Variants in FOXK1 observed in about 807,000 individuals in gnomAD.
The protein encoded by FOXK1 is forkhead box protein K1.
In FOXK1, 19 loss-of-function variants were observed where a neutral mutation model predicts 51.9. That is an observed-to-expected ratio of 0.37 (90% CI 0.26 to 0.54). The LOEUF is 0.54. Ranked by LOEUF, FOXK1 falls within the 20% of genes least tolerant of loss-of-function variation. The probability of loss-of-function intolerance (pLI) is 0.87; values close to 1 mark genes in which losing one functional copy is unlikely to be tolerated. For missense variants in FOXK1, 870 were observed against 1,032.7 expected (o/e 0.84, Z 2.16); for synonymous variants, 537 against 482.6 (o/e 1.11, Z -1.48).
At chr7:4,692,207 G>A (rs1779901696) in intron 1 of FOXK1, among the ~76,000 whole-genome samples, 1 of 152,098 alleles carries the variant, frequency 6.6e-6, no homozygotes, top group Non-Finnish European at 1.5e-5. Context: ...TGGCTTAATA[G>A]AAGACAGCTG....
rs1376394111 is a variant in FOXK1, at chr7:4,762,425, C to G, written c.2163C>G (p.Ile721Met). Reference sequence around the variant, plus strand: ...CTGTAACCACACCGGCTGGAGTGATCGCAGCTGCCGGCCCCCAGGGGCCAG... The same window carrying G: ...CTGTAACCACACCGGCTGGAGTGATGGCAGCTGCCGGCCCCCAGGGGCCAG... Reference protein sequence around the residue: ...SGAVTTPAGVIAAAGPQGPGT... With the variant: ...SGAVTTPAGVMAAAGPQGPGT... Residue 721 changes from isoleucine (I) to methionine (M), a missense_variant, in exon 9 of 9, where the codon ATC becomes ATG. This residue lies in a region of FOXK1 where 457 missense variants were observed against 510.8 expected (regional missense o/e 0.89). Coordinates refer to ENST00000328914, the MANE Select transcript of FOXK1 (RefSeq NM_001037165.2). This position sits in a 1 kb window ranked among gnomAD's most constrained non-coding sequence, Gnocchi z 5.7. 6.5e-7 allele frequency: 1 copy of G among 1,548,052 alleles called. No individual in the cohort carries two copies. The highest frequency in any genetic ancestry group is 1.4e-5 in the African/African-American group (1 of 73,090).
At chr7:4,742,571 C>T (rs191348244) in intron 2 of FOXK1, among the ~76,000 whole-genome samples, 2 of 152,082 alleles carry the variant, frequency 1.3e-5, no homozygotes, top group Non-Finnish European at 2.9e-5. Context: ...CATGCACCAC[C>T]ACACCCACTT....
intron 2 of FOXK1, among the ~76,000 whole-genome samples, chr7:4,746,722 C>T (rs756583243): frequency 6.6e-6 from 1 of 152,214 alleles, no homozygotes; most frequent in African/African-American, 2.4e-5. Flanking sequence ...AAGTTTGTGG[C>T]TGCAGCCTTC....
chr7:4,752,522 C>A (rs1242066818), intron 2 of FOXK1, among the ~76,000 whole-genome samples: 1 of 152,242 alleles, frequency 6.6e-6, no homozygotes, highest in Non-Finnish European at 1.5e-5. Context: ...GCTGGGCCAT[C>A]ACTGTTTGTT....
At chr7:4,693,574 G>T (rs1414184765) in intron 1 of FOXK1, among the ~76,000 whole-genome samples, 1 of 152,134 alleles carries the variant, frequency 6.6e-6, no homozygotes, top group African/African-American at 2.4e-5. Context: ...TTCCCTGGGG[G>T]CCTCTGTCGC....
rs1292595121 is a variant in FOXK1 at position 4,755,540 on chromosome 7, A to C, written c.1050+157A>C. On this transcript the variant is annotated intron_variant, in intron 4 of 8. Coordinates refer to ENST00000328914, the MANE Select transcript of FOXK1 (RefSeq NM_001037165.2). The surrounding 1 kb of genome is among the most constrained non-coding windows in gnomAD (Gnocchi z 6.6). ...AGGCCGAGGCAGGAGGAGGATCAAG[A>C]CCAGCCTGTGCAACATAGAGAGAAC... Among the ~76,000 whole-genome samples the C allele has an allele frequency of 6.6e-6, 1 of 152,128 alleles. No homozygotes were observed. Among genetic ancestry groups the C allele is most frequent in the Non-Finnish European group, 1.5e-5 (1 of 68,024 alleles).
rs1198151880 is a variant in FOXK1 at position 4,749,630 on chromosome 7, T to G, written c.747-4829T>G. On this transcript the variant is annotated intron_variant, in intron 2 of 8. Transcript: ENST00000328914. The surrounding 1 kb of genome is among the most constrained non-coding windows in gnomAD (Gnocchi z 6.0). The stretch of plus-strand genomic sequence containing the variant: ...AGGGCTTCAGGAGGGATCAGGTCCC[T>G]TCTGACAGAGCACTGTCCTCCCTGG... 6.6e-6 allele frequency among the ~76,000 whole-genome samples: 1 copy of G among 152,190 alleles called. No homozygotes were observed. Among genetic ancestry groups the G allele is most frequent in the East Asian group, 1.9e-4 (1 of 5,190 alleles).
chr7:4,703,513 C>T lies in FOXK1; in HGVS notation c.560+20645C>T, dbSNP rs569413870. On this transcript the variant is annotated intron_variant, in intron 1 of 8. Coordinates refer to ENST00000328914, the MANE Select transcript of FOXK1 (RefSeq NM_001037165.2). This position sits in a 1 kb window ranked among gnomAD's most constrained non-coding sequence, Gnocchi z 5.6. ...CCCCCAGGGTGGCCCGACCCTGCTGCGCGGGAGGGAAAGAGCCACAACAAG... is the reference window on the plus strand; with the variant it reads ...CCCCCAGGGTGGCCCGACCCTGCTGTGCGGGAGGGAAAGAGCCACAACAAG... Among the ~76,000 whole-genome samples the T allele has an allele frequency of 6.6e-5, 10 of 152,154 alleles. No individual in the cohort carries two copies. Among genetic ancestry groups the T allele is most frequent in the Non-Finnish European group, 1.2e-4 (8 of 68,018 alleles).
chr7:4,750,893 G>A (rs868235004), intron 2 of FOXK1, among the ~76,000 whole-genome samples: 1 of 151,636 alleles, frequency 6.6e-6, no homozygotes, highest in African/African-American at 2.4e-5. Flanking sequence ...CAGTAGAGAC[G>A]GGATTTCTCT....
chr7:4,755,136 C>G lies in FOXK1; in HGVS notation c.904-101C>G. The G allele has an allele frequency of 6.8e-7, 1 of 1,470,282 alleles. No homozygotes were observed. The highest frequency in any genetic ancestry group is 9.2e-7 in the Non-Finnish European group (1 of 1,082,418). The allele number at this position is 1,470,282 out of a possible 1,614,324, so 91.1% of individuals were successfully genotyped here. A position where few individuals can be genotyped will look rare whatever the true frequency, so the allele number is the denominator to read the frequency against. On this transcript the variant is annotated intron_variant, in intron 3 of 8. Transcript: ENST00000328914. This position sits in a 1 kb window ranked among gnomAD's most constrained non-coding sequence, Gnocchi z 6.6. ...GGGACGGGTGCCGGCAAGACGCGCA[C>G]ATTCTCGTGGGAAGGTTCCTCCCCA...
In FOXK1 at chr7:4,747,312, C is replaced by T. The variant is rs760293622; in HGVS notation, c.746+6289C>T. On this transcript the variant is annotated intron_variant, in intron 2 of 8. Coordinates refer to ENST00000328914, the MANE Select transcript of FOXK1 (RefSeq NM_001037165.2). This position sits in a 1 kb window ranked among gnomAD's most constrained non-coding sequence, Gnocchi z 9.2. ...GGGAAGCAGGAGGCGCCTGCAGACA[C>T]GGAGCTGACCCCGGAACCTGCCTAG... is the stretch of plus-strand genomic sequence containing the variant. 1.5e-4 allele frequency among the ~76,000 whole-genome samples: 23 copies of T among 152,136 alleles called. No individual in the cohort carries two copies. The highest frequency in any genetic ancestry group is 2.6e-4 in the Non-Finnish European group (18 of 68,024).
intron 1 of FOXK1, among the ~76,000 whole-genome samples, chr7:4,686,713 G>T (rs2115026879): frequency 1.3e-5 from 2 of 152,232 alleles, no homozygotes; most frequent in Middle Eastern, 6.8e-3. Flanking sequence ...GCAACAACTG[G>T]GTTCTGTTTG....
intron 1 of FOXK1, among the ~76,000 whole-genome samples, chr7:4,725,071 G>A (rs892348557): frequency 2.0e-5 from 3 of 152,222 alleles, no homozygotes; most frequent in Non-Finnish European, 4.4e-5. Context: ...ATCCAAGCGC[G>A]GTGCACCCGC....
At chr7:4,754,316 C>T (rs556840709) in intron 2 of FOXK1, 143 bp from the exon 3 acceptor site, 9 of 913,342 alleles carry the variant, frequency 9.9e-6, no homozygotes, top group African/African-American at 5.0e-5. Context: ...TGACCTTGGC[C>T]GGGCAGTGTG....
At position 4,753,770 on chromosome 7, in the gene FOXK1, C is replaced by G. The variant is rs1327787434; in HGVS notation, c.747-689C>G. On this transcript the variant is annotated intron_variant, in intron 2 of 8. Transcript: ENST00000328914. The surrounding 1 kb of genome is among the most constrained non-coding windows in gnomAD (Gnocchi z 4.9). ...CCCTCAGCCGGACGGACGCAGCCTC[C>G]TGCCTGTGGTCCCGGCCTCAACCCA... is the stretch of plus-strand genomic sequence containing the variant. Among the ~76,000 whole-genome samples the G allele has an allele frequency of 6.6e-6, 1 of 152,212 alleles. No homozygotes were observed. Among genetic ancestry groups the G allele is most frequent in the Non-Finnish European group, 1.5e-5 (1 of 68,040 alleles).
intron 1 of FOXK1, among the ~76,000 whole-genome samples, chr7:4,719,773 C>T (rs1322561552): frequency 1.3e-5 from 2 of 152,174 alleles, no homozygotes; most frequent in African/African-American, 4.8e-5. Flanking sequence ...TGAGCCACCG[C>T]GCCCGGCCTG....
Position 4,743,421 on chromosome 7 carries a change from A to G in FOXK1, c.746+2398A>G, listed in dbSNP as rs1013007150. 6.6e-6 allele frequency among the ~76,000 whole-genome samples: 1 copy of G among 152,060 alleles called. No individual in the cohort carries two copies. Among genetic ancestry groups the G allele is most frequent in the Non-Finnish European group, 1.5e-5 (1 of 68,006 alleles). ...AAAAATCAGCCAGGCATGGTGCCAT[A>G]TGTCTGTAATCCCAGCTACTCGGGA... is the stretch of plus-strand genomic sequence containing the variant. On this transcript the variant is annotated intron_variant, in intron 2 of 8. Coordinates refer to ENST00000328914, the MANE Select transcript of FOXK1 (RefSeq NM_001037165.2). This position sits in a 1 kb window ranked among gnomAD's most constrained non-coding sequence, Gnocchi z 5.3.
chr7:4,727,020 T>C (rs1167732716), intron 1 of FOXK1, among the ~76,000 whole-genome samples: 1 of 152,206 alleles, frequency 6.6e-6, no homozygotes, highest in Admixed American at 6.5e-5. Context: ...TCATAACCCA[T>C]TGCAGCCTTG....
rs2115056992 is a variant in FOXK1, at chr7:4,734,256, C to G, written c.561-6582C>G. Among the ~76,000 whole-genome samples, 1 of 152,304 alleles carries G rather than the reference C, an allele frequency of 6.6e-6. No individual in the cohort carries two copies. The highest frequency in any genetic ancestry group is 1.9e-4 in the East Asian group (1 of 5,186). ...CCTCCCAGACAGAGCCTCTGAAGCTCCTGTTTTCTTTGTCCTTCCTGAGAC... is the reference window on the plus strand; with the variant it reads ...CCTCCCAGACAGAGCCTCTGAAGCTGCTGTTTTCTTTGTCCTTCCTGAGAC... On this transcript the variant is annotated intron_variant, in intron 1 of 8. Coordinates refer to ENST00000328914, the MANE Select transcript of FOXK1 (RefSeq NM_001037165.2). This position sits in a 1 kb window ranked among gnomAD's most constrained non-coding sequence, Gnocchi z 5.2.
Sources: allele counts gnomAD v4.1 joint callset (sites outside exome capture counted in the v4.1 genomes callset), GRCh38; gene constraint gnomAD v4.1.1; regional missense constraint gnomAD v4.1.1; non-coding constraint Gnocchi (gnomAD v3.1); transcripts MANE v1.5; gene names NCBI Gene and HGNC (gene_info 2026-07-23, HGNC 2026-07-21).